SMYD3: variants seen among roughly 807,000 people sequenced by gnomAD.
The protein encoded by SMYD3 is histone-lysine N-methyltransferase SMYD3.
SMYD3 carries 36 observed loss-of-function variants against 57.7 expected under a neutral mutation model. The observed-to-expected ratio is 0.62, with a 90% CI of 0.48 to 0.82. SMYD3 has a LOEUF of 0.82. Ranked by LOEUF, SMYD3 falls within the 40% of genes least tolerant of loss-of-function variation. SMYD3 has a pLI of 0.00. For synonymous variants in SMYD3, 211 were observed against 195.0 expected, an observed-to-expected ratio of 1.08 and a Z score of -0.68; for missense variants, 515 against 538.8, an observed-to-expected ratio of 0.96 and a Z score of 0.44.
intron 5 of SMYD3, among the ~76,000 whole-genome samples, chr1:246,249,025 G>T (rs1614456): frequency 0.085 from 12,824 of 151,518 alleles, 730 homozygotes; most frequent in East Asian, 0.21. Context: ...AACAAGATGC[G>T]AAAACTACAA....
chr1:246,244,745 T>G (rs2063673649), intron 5 of SMYD3, among the ~76,000 whole-genome samples: 1 of 152,196 alleles, frequency 6.6e-6, no homozygotes, highest in South Asian at 2.1e-4. Context: ...CTGTTTTCAT[T>G]GGACTCTTCC....
intron 1 of SMYD3, among the ~76,000 whole-genome samples, chr1:246,448,988 G>A (rs1221715212): frequency 2.0e-5 from 3 of 152,124 alleles, no homozygotes; most frequent in Admixed American, 6.5e-5. Flanking sequence ...AACACTTTGG[G>A]AAGACAAGGC....
chr1:245,834,465 C>A (rs1424750422), intron 10 of SMYD3, among the ~76,000 whole-genome samples: 1 of 152,194 alleles, frequency 6.6e-6, no homozygotes, highest in Non-Finnish European at 1.5e-5. Context: ...GGGCTCACCC[C>A]AGCCCCCTAC....
intron 5 of SMYD3, among the ~76,000 whole-genome samples, chr1:245,959,690 T>C (rs1273027238): frequency 6.6e-6 from 1 of 152,254 alleles, no homozygotes; most frequent in Non-Finnish European, 1.5e-5. Flanking sequence ...TCTTCCCTGT[T>C]TGATGGCTCA....
At chr1:245,813,861 T>TAG (rs1491400247) in intron 10 of SMYD3, among the ~76,000 whole-genome samples, 5 of 222 alleles carry the variant, frequency 0.023, no homozygotes, top group African/African-American at 0.071. Flanking sequence ...CATGGAGCCC[T>TAG]ATATATATAT....
At position 246,128,799 on chromosome 1, in the gene SMYD3, T is replaced by C. The variant is rs79450004; in HGVS notation, c.531+198402A>G. Among the ~76,000 whole-genome samples, 906 of 152,222 alleles carry C rather than the reference T, an allele frequency of 6.0e-3. 6 individuals carry two copies. The highest frequency in any genetic ancestry group is 9.7e-3 in the Non-Finnish European group (661 of 68,004). On this transcript the variant is annotated intron_variant, in intron 5 of 11. Coordinates refer to ENST00000490107, the MANE Select transcript of SMYD3 (RefSeq NM_001167740.2). ...CGTGTGTGTGTGTTGTGTGCTTTTTTGGTTTTGTTTTGTTTTGCTTTGAGA... is the reference window on the plus strand; with the variant it reads ...CGTGTGTGTGTGTTGTGTGCTTTTTCGGTTTTGTTTTGTTTTGCTTTGAGA...
chr1:246,255,984 AG>A (rs1231222533), intron 5 of SMYD3, among the ~76,000 whole-genome samples: 15 of 151,896 alleles, frequency 9.9e-5, no homozygotes, highest in African/African-American at 3.4e-4. Context: ...ATAGATAGAT[AG>A]ATACACACAC....
Position 246,398,254 on chromosome 1 carries a change from C to T in SMYD3, c.165-43160G>A, listed in dbSNP as rs946525830. On this transcript the variant is annotated intron_variant, in intron 1 of 11. Transcript: ENST00000490107. ...TAATTTTACAAAGGCAGCTTCAGTC[C>T]CTGAGCAAGAAGGGAGTTAATTTGA... Among the ~76,000 whole-genome samples the T allele has an allele frequency of 2.6e-5, 4 of 152,284 alleles. No homozygotes were observed. In the South Asian group the frequency reaches 8.3e-4, roughly 32 times the overall value.
chr1:246,166,165 G>T (rs770542953), intron 5 of SMYD3, among the ~76,000 whole-genome samples: 1 of 152,146 alleles, frequency 6.6e-6, no homozygotes, highest in Non-Finnish European at 1.5e-5. Flanking sequence ...TTAGTGCAGT[G>T]TATGTGTCAT....
chr1:246,479,502 ATT>A (rs35818746), intron 1 of SMYD3, among the ~76,000 whole-genome samples: 1,495 of 107,574 alleles, frequency 0.014, 19 homozygotes, highest in African/African-American at 0.049. Context: ...AAAAAGCGGG[ATT>A]TTTTTTTTTT....
At chr1:246,068,075 T>C (rs2060375434) in intron 5 of SMYD3, among the ~76,000 whole-genome samples, 2 of 152,162 alleles carry the variant, frequency 1.3e-5, no homozygotes, top group African/African-American at 4.8e-5. Context: ...TGTGACTGTT[T>C]AGAAAAGCAG....
intron 5 of SMYD3, among the ~76,000 whole-genome samples, chr1:246,087,128 C>T (rs1212878836): frequency 6.6e-6 from 1 of 152,228 alleles, no homozygotes; most frequent in South Asian, 2.1e-4. Context: ...TCTGGCAGTT[C>T]CTTGCAGATG....
intron 5 of SMYD3, among the ~76,000 whole-genome samples, chr1:246,058,575 T>A (rs1373800539): frequency 6.6e-6 from 1 of 152,096 alleles, no homozygotes; most frequent in Non-Finnish European, 1.5e-5. Flanking sequence ...GAAATAAAAA[T>A]TTTACACTTT....
At position 245,951,439 on chromosome 1, in the gene SMYD3, C is replaced by G. The variant is rs543793760; in HGVS notation, c.532-21502G>C. 5.8e-5 allele frequency among the ~76,000 whole-genome samples: 8 copies of G among 137,132 alleles called. 1 individual carries two copies. The highest frequency in any genetic ancestry group is 1.5e-4 in the African/African-American group (5 of 32,814). 90.0% of individuals were successfully genotyped at this position (137,132 alleles called of 152,430 possible). A position where few individuals can be genotyped will look rare whatever the true frequency, so the allele number is the denominator to read the frequency against. ...AAAAAATTAGCTGGGCGAGGTGGTG[C>G]ACGCCTGTAGTCCCAGCTACTCGGG... On this transcript the variant is annotated intron_variant, in intron 5 of 11. Coordinates refer to ENST00000490107, the MANE Select transcript of SMYD3 (RefSeq NM_001167740.2).
intron 5 of SMYD3, among the ~76,000 whole-genome samples, chr1:246,091,175 G>C (rs2060817265): frequency 6.6e-6 from 1 of 152,160 alleles, no homozygotes; most frequent in African/African-American, 2.4e-5. Flanking sequence ...AGCACCCATG[G>C]GTTGCTGGGC....
At chr1:246,117,650 C>T (rs527661761) in intron 5 of SMYD3, among the ~76,000 whole-genome samples, 1 of 152,202 alleles carries the variant, frequency 6.6e-6, no homozygotes, top group African/African-American at 2.4e-5. Context: ...ACTTAGAAAC[C>T]CACTATGTCA....
chr1:246,300,040 A>G lies in SMYD3; in HGVS notation c.531+27161T>C, dbSNP rs762132437. 3.4e-4 allele frequency among the ~76,000 whole-genome samples: 51 copies of G among 151,934 alleles called. 1 individual carries two copies. Among genetic ancestry groups the G allele is most frequent in the Non-Finnish European group, 6.8e-4 (46 of 68,004 alleles). ...AAGTTTAAAAAAAAAAAAAGTTAAC[A>G]AAGTTTAACATGTTCATACAATGGA... is the stretch of plus-strand genomic sequence containing the variant. On this transcript the variant is annotated intron_variant, in intron 5 of 11. Transcript: ENST00000490107.
intron 5 of SMYD3, among the ~76,000 whole-genome samples, chr1:246,189,409 C>T (rs979856325): frequency 6.6e-6 from 1 of 152,192 alleles, no homozygotes; most frequent in Non-Finnish European, 1.5e-5. Context: ...CATATTGGAG[C>T]ATGACTGACT....
intron 1 of SMYD3, among the ~76,000 whole-genome samples, chr1:246,492,792 C>T (rs1345450288): frequency 6.6e-6 from 1 of 152,176 alleles, no homozygotes; most frequent in Non-Finnish European, 1.5e-5. Flanking sequence ...TTCCTCCAGC[C>T]CTTTTCCTTC....
Sources: gnomAD v4.1 joint callset for allele counts (sites outside exome capture counted in the v4.1 genomes callset) on GRCh38, gnomAD v4.1.1 for gene constraint, MANE v1.5 for transcripts, NCBI Gene and HGNC (gene_info 2026-07-23, HGNC 2026-07-21) for gene names.